KAT2A: variants seen among roughly 807,000 people sequenced by gnomAD.
The protein encoded by KAT2A is histone acetyltransferase KAT2A.
A neutral mutation model predicts 95.2 loss-of-function variants in KAT2A; 42 were observed. The observed-to-expected ratio is 0.44, with a 90% CI of 0.34 to 0.57. KAT2A has a LOEUF of 0.57. KAT2A is among the 20% of genes least tolerant of loss of function. The probability of loss-of-function intolerance (pLI) is 0.01; values close to 1 mark genes in which losing one functional copy is unlikely to be tolerated. For synonymous variants in KAT2A, 449 were observed against 448.2 expected (o/e 1.00, Z -0.02); for missense variants, 784 against 1,126.3 (o/e 0.70, Z 4.35).
At chr17:42,116,601 C>T (rs1555666002) in intron 11 of KAT2A, among the ~76,000 whole-genome samples, 1 of 152,120 alleles carries the variant, frequency 6.6e-6, no homozygotes, top group Non-Finnish European at 1.5e-5. Flanking sequence ...GTGGTGCATG[C>T]CTGTGGTCCC....
At position 42,119,880 on chromosome 17, in the gene KAT2A, C is replaced by A; in HGVS notation, c.699+150G>T. On this transcript the variant is annotated intron_variant, in intron 4 of 17. Transcript: ENST00000225916. This position sits in a 1 kb window ranked among gnomAD's most constrained non-coding sequence, Gnocchi z 5.3. ...AAAAGCTCTGCCCCCTCCCTACCAC[C>A]ATGCCCACCCTGAGGTTAGCACAAA... 1.1e-6 allele frequency: 1 copy of A among 933,456 alleles called. No homozygotes were observed. The highest frequency in any genetic ancestry group is 1.7e-6 in the Non-Finnish European group (1 of 604,902). 57.8% of individuals were successfully genotyped at this position (933,456 alleles called of 1,614,324 possible). A position where few individuals can be genotyped will look rare whatever the true frequency, so the allele number is the denominator to read the frequency against.
chr17:42,120,993 C>T lies in KAT2A; in HGVS notation c.312G>A (p.Glu104=), dbSNP rs1555667200. ...VRGLPRAKKL[E]KLGVFSACKA... Reference sequence around the variant, plus strand: ...TGCAAGCCGAGAAGACCCCTAGCTTCTCAAGCTTCTTGGCGCGCGGCAGCC... The same window carrying T: ...TGCAAGCCGAGAAGACCCCTAGCTTTTCAAGCTTCTTGGCGCGCGGCAGCC... The change falls in exon 1 of 18, where the codon GAG becomes GAA. Residue 104 remains glutamate, a synonymous_variant. Transcript: ENST00000225916. 6.3e-7 allele frequency: 1 copy of T among 1,592,222 alleles called. No individual in the cohort carries two copies. The highest frequency in any genetic ancestry group is 1.1e-5 in the South Asian group (1 of 87,572).
Position 42,113,811 on chromosome 17 carries a change from G to A in KAT2A, c.2352C>T (p.Ser784=). ...AGAGCTTCCGGGTCACGTAGTAGCG[G>A]CTTCGCAGCCGCTCAGTCATGGTCT... ...DLKTMTERLR[S]RYYVTRKLFV... The change falls in exon 18 of 18, where the codon AGC becomes AGT. Residue 784 remains serine, a synonymous_variant. Transcript: ENST00000225916. 1 of 1,600,252 alleles carries A rather than the reference G, an allele frequency of 6.2e-7. No individual in the cohort carries two copies. The highest frequency in any genetic ancestry group is 1.1e-5 in the South Asian group (1 of 89,720).
Position 42,115,766 on chromosome 17 carries a change from AG to A in KAT2A, c.1831del (p.Leu611SerfsTer40). On this transcript the variant is annotated frameshift_variant, in exon 12 of 18. Coordinates refer to ENST00000225916, the MANE Select transcript of KAT2A (RefSeq NM_021078.3). LOFTEE classifies it high-confidence loss of function. ...YHIKHNILYF[L>X]TYADEYAIGY... ...GATGGCGTACTCGTCGGCGTAGGTG[AG>A]GAAGTAGAGAATGTTGTGCTTGATG... 2 of 1,613,936 alleles carry A rather than the reference AG, an allele frequency of 1.2e-6. No individual in the cohort carries two copies.
chr17:42,121,192 G>C lies in KAT2A; in HGVS notation c.113C>G (p.Pro38Arg), dbSNP rs1156931318. 2 of 1,373,652 alleles carry C rather than the reference G, an allele frequency of 1.5e-6. No individual in the cohort carries two copies. Among genetic ancestry groups the C allele is most frequent in the Non-Finnish European group, 1.9e-6 (2 of 1,034,728 alleles). The allele number at this position is 1,373,652 out of a possible 1,614,324, so 85.1% of individuals were successfully genotyped here. A position where few individuals can be genotyped will look rare whatever the true frequency, so the allele number is the denominator to read the frequency against. ...TGGTGCCGGGGTGGGAGTCGGAATC[G>C]GGGCTGAAGCCGGGCTGGGTGCAGG... ...PTPAPSPASA[P>R]IPTPTPAPAP... The change falls in exon 1 of 18, where the codon CCG becomes CGG. Residue 38 changes from proline to arginine, a missense_variant. Pro to Arg is a moderately radical substitution (Grantham distance 103). Coordinates refer to ENST00000225916, the MANE Select transcript of KAT2A (RefSeq NM_021078.3).
chr17:42,115,848 A>C lies in KAT2A; in HGVS notation c.1765-15T>G, dbSNP rs781929206. 3 of 1,461,548 alleles carry C rather than the reference A, an allele frequency of 2.1e-6. No individual in the cohort carries two copies. The South Asian group carries it at 3.4e-5, about 17-fold the overall frequency. 90.5% of individuals were successfully genotyped at this position (1,461,548 alleles called of 1,614,324 possible). A position where few individuals can be genotyped will look rare whatever the true frequency, so the allele number is the denominator to read the frequency against. On this transcript the variant is annotated splice_polypyrimidine_tract_variant and intron_variant, in intron 11 of 17. Transcript: ENST00000225916. ...GTCCCATAACCCTGCGGGGGAGGGA[A>C]GCAGGACTCACCAGGAGCTGAGGAT... is the stretch of plus-strand genomic sequence containing the variant.
chr17:42,113,366 G>A lies in KAT2A; in HGVS notation c.*283C>T, dbSNP rs957413540. 6.2e-5 allele frequency: 20 copies of A among 320,856 alleles called. No homozygotes were observed. The highest frequency in any genetic ancestry group is 4.2e-4 in the African/African-American group (19 of 45,380). The allele number at this position is 320,856 out of a possible 1,614,324, so 19.9% of individuals were successfully genotyped here. ...TCCAAAGCTCTTGGGGACCAGGCCTGGGGGCCACCACGGCTGGGCAAGGTT... is the reference window on the plus strand; with the variant it reads ...TCCAAAGCTCTTGGGGACCAGGCCTAGGGGCCACCACGGCTGGGCAAGGTT... On this transcript the variant is annotated 3_prime_UTR_variant, in exon 18 of 18. Transcript: ENST00000225916.
In KAT2A at chr17:42,117,718, A is replaced by T; in HGVS notation, c.1388T>A (p.Met463Lys). 1 of 1,613,652 alleles carries T rather than the reference A, an allele frequency of 6.2e-7. No homozygotes were observed. The highest frequency in any genetic ancestry group is 8.5e-7 in the Non-Finnish European group (1 of 1,179,740). Residue 463 changes from methionine to lysine, a missense_variant, in exon 9 of 18, where the codon ATG (methionine) becomes AAG (lysine). Around this residue, in one of 6 missense-constraint regions of KAT2A, gnomAD observed 174 missense variants for 324.9 expected, o/e 0.54. Transcript: ENST00000225916. The surrounding 1 kb of genome is among the most constrained non-coding windows in gnomAD (Gnocchi z 8.9). ...GGCAGCAGGGTCAGTGATGGTCAGC[A>T]TGACCTCATTGACCAGCTCCATGGG... is the stretch of plus-strand genomic sequence containing the variant. ...DIPMELVNEV[M>K]LTITDPAAML... is the part of the protein sequence containing the mutation.
rs782283965 is a variant in KAT2A at position 42,113,598 on chromosome 17, A to G, written c.*51T>C. 3 of 1,553,038 alleles carry G rather than the reference A, an allele frequency of 1.9e-6. No individual in the cohort carries two copies. The highest frequency in any genetic ancestry group is 2.6e-6 in the Non-Finnish European group (3 of 1,145,938). On this transcript the variant is annotated 3_prime_UTR_variant, in exon 18 of 18. Transcript: ENST00000225916. ...CAGGGCACCCCCTAAGGATCAGATC[A>G]GAATCCGAGGTGGAGACATTCCAGG... is the stretch of plus-strand genomic sequence containing the variant.
Position 42,113,363 on chromosome 17 carries a change from C to T in KAT2A, c.*286G>A. Reference sequence around the variant, plus strand: ...GCCTCCAAAGCTCTTGGGGACCAGGCCTGGGGGCCACCACGGCTGGGCAAG... The same window carrying T: ...GCCTCCAAAGCTCTTGGGGACCAGGTCTGGGGGCCACCACGGCTGGGCAAG... On this transcript the variant is annotated 3_prime_UTR_variant, in exon 18 of 18. Transcript: ENST00000225916. 1 of 315,506 alleles carries T rather than the reference C, an allele frequency of 3.2e-6. No homozygotes were observed. The highest frequency in any genetic ancestry group is 5.9e-6 in the Non-Finnish European group (1 of 170,886). The allele number at this position is 315,506 out of a possible 1,614,324, so 19.5% of individuals were successfully genotyped here.
In KAT2A at chr17:42,119,380, G is replaced by T; in HGVS notation, c.938C>A (p.Thr313Asn). ...AAGGCTTCGCCCAAAGACATGAGTG[G>T]TTTCGTAGCGGGGGAGGCTATCACA... is the stretch of plus-strand genomic sequence containing the variant. ...QSCDSLPRYE[T>N]THVFGRSLLR... Residue 313 changes from threonine to asparagine, a missense_variant, in exon 6 of 18, where the codon ACC becomes AAC. Thr to Asn is a moderately conservative substitution (Grantham distance 65). Transcript: ENST00000225916. This position sits in a 1 kb window ranked among gnomAD's most constrained non-coding sequence, Gnocchi z 5.3. The T allele has an allele frequency of 6.2e-7, 1 of 1,613,950 alleles. No individual in the cohort carries two copies. The highest frequency in any genetic ancestry group is 8.5e-7 in the Non-Finnish European group (1 of 1,179,894).
intron 7 of KAT2A, 116 bp from the exon 8 acceptor site, chr17:42,118,133 G>C (rs2054288553): frequency 1.3e-6 from 1 of 795,414 alleles, no homozygotes; most frequent in African/African-American, 1.7e-5. Flanking sequence ...GGGTGCTGAA[G>C]CTGAGGAGAG....
intron 11 of KAT2A, 114 bp from the exon 12 acceptor site, chr17:42,115,947 G>A: frequency 1.4e-6 from 1 of 725,010 alleles, no homozygotes; most frequent in Non-Finnish European, 2.6e-6. Flanking sequence ...GAGAGCGAGA[G>A]CATCCAGGCA....
At position 42,114,006 on chromosome 17, in the gene KAT2A, G is replaced by A; in HGVS notation, c.2314C>T (p.Pro772Ser). The A allele has an allele frequency of 6.6e-7, 1 of 1,514,602 alleles. No homozygotes were observed. The highest frequency in any genetic ancestry group is 8.8e-7 in the Non-Finnish European group (1 of 1,135,740). 93.8% of individuals were successfully genotyped at this position (1,514,602 alleles called of 1,614,324 possible). ...TGGAATGGAAGGTCCTCACCAATGG[G>A]GAAGCGGATGACCTCGTAGTAGTCA... ...APDYYEVIRF[P>S]IDLKTMTERL... Residue 772 changes from proline (P) to serine (S), a missense_variant, in exon 17 of 18, where the codon CCC becomes TCC. Transcript: ENST00000225916. The surrounding 1 kb of genome is among the most constrained non-coding windows in gnomAD (Gnocchi z 6.0).
At position 42,119,932 on chromosome 17, in the gene KAT2A, A is replaced by G. The variant is rs373029174; in HGVS notation, c.699+98T>C. ...CACCCTTCCTTCTCTGAACCTCCCC[A>G]GTGTTCTCAGCTTGAGGAGAATGGA... On this transcript the variant is annotated intron_variant, in intron 4 of 17. Transcript: ENST00000225916. This position sits in a 1 kb window ranked among gnomAD's most constrained non-coding sequence, Gnocchi z 5.3. 64 of 1,193,116 alleles carry G rather than the reference A, an allele frequency of 5.4e-5. No homozygotes were observed. The African/African-American group carries it at 8.4e-4, about 16-fold the overall frequency. The allele number at this position is 1,193,116 out of a possible 1,614,324, so 73.9% of individuals were successfully genotyped here. A position where few individuals can be genotyped will look rare whatever the true frequency, so the allele number is the denominator to read the frequency against.
Position 42,120,288 on chromosome 17 carries a change from G to A in KAT2A, c.546C>T (p.Leu182=), listed in dbSNP as rs1211848222. 6 of 1,614,038 alleles carry A rather than the reference G, an allele frequency of 3.7e-6. No individual in the cohort carries two copies. Among genetic ancestry groups the A allele is most frequent in the Non-Finnish European group, 5.1e-6 (6 of 1,180,022 alleles). ...CCTCTTCCTTGTGAACAGACATGAA[G>A]AGATTCTCCACATCCACCACCATCC... ...LLGMVVDVEN[L]FMSVHKEEDT... The change falls in exon 3 of 18, where the codon CTC becomes CTT. Residue 182 remains leucine (L), a synonymous_variant. Coordinates refer to ENST00000225916, the MANE Select transcript of KAT2A (RefSeq NM_021078.3).
chr17:42,119,828 CCT>C lies in KAT2A; in HGVS notation c.700-112_700-111del. The C allele has an allele frequency of 6.1e-5, 64 of 1,055,760 alleles. No individual in the cohort carries two copies. Among genetic ancestry groups the C allele is most frequent in the Non-Finnish European group, 8.0e-5 (58 of 729,486 alleles). 65.4% of individuals were successfully genotyped at this position (1,055,760 alleles called of 1,614,324 possible). On this transcript the variant is annotated intron_variant, in intron 4 of 17. Transcript: ENST00000225916. This position sits in a 1 kb window ranked among gnomAD's most constrained non-coding sequence, Gnocchi z 5.3. Reference sequence around the variant, plus strand: ...TGGCCAGGGACAAGGTTCTCCTTCTCCTCTCTCTCTCGGGTGCTCTCTATAGA... The same window carrying C: ...TGGCCAGGGACAAGGTTCTCCTTCTCCTCTCTCTCGGGTGCTCTCTATAGA...
Position 42,119,703 on chromosome 17 carries a change from C to A in KAT2A, c.715G>T (p.Val239Leu). 2 of 1,607,748 alleles carry A rather than the reference C, an allele frequency of 1.2e-6. No individual in the cohort carries two copies. Among genetic ancestry groups the A allele is most frequent in the Non-Finnish European group, 1.7e-6 (2 of 1,176,814 alleles). ...PNIEQGVLNF[V>L]QYKFSHLAPR... ...GCCAGGTGACTAAACTTGTACTGCA[C>A]AAAGTTCAGCACACCCTGAGAAGGG... Residue 239 changes from valine (V) to leucine (L), a missense_variant, in exon 5 of 18, where the codon GTG becomes TTG. By Grantham distance (32) the Val-to-Leu change is conservative. Coordinates refer to ENST00000225916, the MANE Select transcript of KAT2A (RefSeq NM_021078.3). The surrounding 1 kb of genome is among the most constrained non-coding windows in gnomAD (Gnocchi z 5.3).
rs782485237 is a variant in KAT2A, at chr17:42,120,947, C to A, written c.339+19G>T. 1.3e-6 allele frequency: 2 copies of A among 1,553,400 alleles called. No homozygotes were observed. Among genetic ancestry groups the A allele is most frequent in the African/African-American group, 1.4e-5 (1 of 73,718 alleles). On this transcript the variant is annotated intron_variant, in intron 1 of 17. Transcript: ENST00000225916. ...GGATGCCCCAAGCCCCGCCCCTTCA[C>A]CCCAGGCCCCGCCCCCACCTTGCAA...
Sources: allele counts gnomAD v4.1 joint callset (sites outside exome capture counted in the v4.1 genomes callset), GRCh38; gene constraint gnomAD v4.1.1; regional missense constraint gnomAD v4.1.1; non-coding constraint Gnocchi (gnomAD v3.1); transcripts MANE v1.5; gene names NCBI Gene and HGNC (gene_info 2026-07-23, HGNC 2026-07-21).